Variants in NDRG1 observed in about 807,000 individuals in gnomAD.
NDRG1 encodes the protein protein NDRG1.
In NDRG1, 32 loss-of-function variants were observed where a neutral mutation model predicts 56.9. The observed-to-expected ratio is 0.56, with a 90% confidence interval of 0.42 to 0.76. The LOEUF (loss-of-function observed/expected upper bound fraction) is 0.76. Ranked by LOEUF, NDRG1 falls within the 30% of genes least tolerant of loss-of-function variation. The pLI is 0.00. For synonymous variants in NDRG1, 211 were observed against 204.1 expected (o/e 1.03, Z -0.29); for missense variants, 507 against 545.7 (o/e 0.93, Z 0.71).
intron 8 of NDRG1, chr8:133,254,812 C>G (rs1856281598): frequency 1.7e-6 from 1 of 588,858 alleles, no homozygotes; most frequent in East Asian, 2.8e-5. Flanking sequence ...ATATCCAGTT[C>G]CTTATTTTCA....
At chr8:133,279,647 C>A (rs899949352) in intron 3 of NDRG1, among the ~76,000 whole-genome samples, 3 of 152,216 alleles carry the variant, frequency 2.0e-5, no homozygotes, top group African/African-American at 4.8e-5. Context: ...GCCAGCACAG[C>A]ATGGGACCCA....
intron 5 of NDRG1, 141 bp from the exon 6 acceptor site, chr8:133,259,371 C>A: frequency 1.3e-6 from 1 of 775,200 alleles, no homozygotes. Context: ...CTAGTCCCTT[C>A]GCATCCTCCT....
intron 1 of NDRG1, among the ~76,000 whole-genome samples, chr8:133,285,244 T>A (rs1454213572): frequency 6.6e-6 from 1 of 152,068 alleles, no homozygotes; most frequent in African/African-American, 2.4e-5. Flanking sequence ...GTAGTCAAGT[T>A]AGAAAAACTA....
At chr8:133,262,371 T>C in intron 4 of NDRG1, 1 of 614,336 alleles carries the variant, frequency 1.6e-6, no homozygotes, top group South Asian at 1.9e-5. Context: ...CAAGAGTAAG[T>C]TTCATGGGGC....
chr8:133,289,167 C>T (rs926991296), intron 1 of NDRG1, among the ~76,000 whole-genome samples: 7 of 152,252 alleles, frequency 4.6e-5, no homozygotes, highest in Admixed American at 1.3e-4. Flanking sequence ...CCTCCTACTC[C>T]GGCCTCCTGA....
intron 15 of NDRG1, 140 bp downstream of exon 15, chr8:133,241,883 C>T: frequency 1.0e-6 from 1 of 952,996 alleles, no homozygotes. Context: ...ATGCCCTCCA[C>T]ACACCTAACT....
intron 9 of NDRG1, among the ~76,000 whole-genome samples, chr8:133,252,689 C>A (rs1856130003): frequency 6.6e-6 from 1 of 151,752 alleles, no homozygotes; most frequent in African/African-American, 2.4e-5. Flanking sequence ...GTACACTTGC[C>A]AACTCCAGAG....
At chr8:133,279,671 C>A (rs964491978) in intron 3 of NDRG1, among the ~76,000 whole-genome samples, 3 of 152,184 alleles carry the variant, frequency 2.0e-5, no homozygotes, top group Non-Finnish European at 4.4e-5. Flanking sequence ...CAGCTTGGGG[C>A]TAACGAGTCC....
intron 4 of NDRG1, 89 bp downstream of exon 4, chr8:133,264,458 G>A (rs1389060233): frequency 8.4e-7 from 1 of 1,189,410 alleles, no homozygotes; most frequent in Non-Finnish European, 1.2e-6. Context: ...GAAACCACCA[G>A]CTCCCGGCCA....
chr8:133,285,598 C>A (rs1309743879), intron 1 of NDRG1, among the ~76,000 whole-genome samples: 1 of 152,194 alleles, frequency 6.6e-6, no homozygotes, highest in Non-Finnish European at 1.5e-5. Flanking sequence ...CCGGCAAGTG[C>A]GGGCCACCCC....
At chr8:133,251,139 C>T (rs766476224) in intron 9 of NDRG1, among the ~76,000 whole-genome samples, 26 of 152,340 alleles carry the variant, frequency 1.7e-4, no homozygotes, top group Non-Finnish European at 3.2e-4. Context: ...ACTCCCACCA[C>T]GGCCAACCAG....
At chr8:133,241,985 T>C (rs778206421) in intron 15 of NDRG1, 38 bp downstream of exon 15, 2 of 1,612,910 alleles carry the variant, frequency 1.2e-6, no homozygotes, top group South Asian at 1.1e-5. Flanking sequence ...TTCCGACACA[T>C]GCCCCGACCC....
At chr8:133,256,665 A>C in intron 8 of NDRG1, 112 bp downstream of exon 8, 1 of 960,902 alleles carries the variant, frequency 1.0e-6, no homozygotes, top group Non-Finnish European at 1.6e-6. Flanking sequence ...AGGGTAGTGG[A>C]GGAGTGGGTA....
At chr8:133,244,968 T>C (rs1164647409) in intron 13 of NDRG1, among the ~76,000 whole-genome samples, 6 of 151,968 alleles carry the variant, frequency 3.9e-5, no homozygotes, top group African/African-American at 1.5e-4. Flanking sequence ...TGGGCAGCGC[T>C]GACGGCAAGG....
In NDRG1 at chr8:133,248,540, C is replaced by T. The variant is rs144323674; in HGVS notation, c.755+175G>A. 4.6e-5 allele frequency among the ~76,000 whole-genome samples: 7 copies of T among 152,318 alleles called. No homozygotes were observed. The South Asian group carries it at 1.0e-3, about 23-fold the overall frequency. On this transcript the variant is annotated intron_variant, in intron 11 of 15. Coordinates refer to ENST00000323851, the MANE Select transcript of NDRG1 (RefSeq NM_006096.4). Reference sequence around the variant, plus strand: ...GGGACACCCTAGAAACGGATGCCACCGGCACAGGGAGAAGTCCAAGTCAGG... The same window carrying T: ...GGGACACCCTAGAAACGGATGCCACTGGCACAGGGAGAAGTCCAAGTCAGG...
At chr8:133,261,293 A>G (rs1275216893) in intron 5 of NDRG1, among the ~76,000 whole-genome samples, 2 of 151,942 alleles carry the variant, frequency 1.3e-5, no homozygotes, top group East Asian at 1.9e-4. Flanking sequence ...TTTAGTGGAG[A>G]CAGGGTTTCA....
chr8:133,267,529 C>A (rs1341157500), intron 3 of NDRG1, among the ~76,000 whole-genome samples: 2 of 152,194 alleles, frequency 1.3e-5, no homozygotes, highest in Non-Finnish European at 2.9e-5. Context: ...CCATAACAGG[C>A]ACTGGAAAAA....
intron 15 of NDRG1, chr8:133,241,060 A>G (rs1165275188): frequency 1.3e-5 from 2 of 152,236 alleles, no homozygotes. Flanking sequence ...GCTAAGGCCA[A>G]TGCTAGGACT....
intron 9 of NDRG1, among the ~76,000 whole-genome samples, chr8:133,252,688 C>A (rs1460837760): frequency 6.7e-6 from 1 of 149,930 alleles, no homozygotes; most frequent in African/African-American, 2.5e-5. Flanking sequence ...GGTACACTTG[C>A]CAACTCCAGA....
Sources: allele counts gnomAD v4.1 joint callset (sites outside exome capture counted in the v4.1 genomes callset), GRCh38; gene constraint gnomAD v4.1.1; transcripts MANE v1.5; gene names NCBI Gene and HGNC (gene_info 2026-07-23, HGNC 2026-07-21).